Variants in TBXAS1 observed in about 807,000 individuals in gnomAD.
TBXAS1 encodes the protein thromboxane A synthase 1.
Under a neutral mutation model 60.7 loss-of-function variants are expected in TBXAS1, and 48 were observed. The observed-to-expected ratio is 0.79, with a 90% confidence interval of 0.63 to 1.01. The LOEUF (loss-of-function observed/expected upper bound fraction) is 1.01, where lower values mean the gene tolerates loss of function less well. Among genes scored for constraint, TBXAS1 ranks in the 50% least tolerant of loss-of-function variants. The pLI, the probability that TBXAS1 is intolerant of heterozygous loss-of-function variation, is 0.00. For synonymous variants in TBXAS1, 287 were observed against 269.7 expected (o/e 1.06, Z -0.63); for missense variants, 685 against 686.3 (o/e 1.00, Z 0.02).
chr7:139,812,066 T>A (rs535543051), intron 4 of TBXAS1, among the ~76,000 whole-genome samples: 70 of 152,336 alleles, frequency 4.6e-4, no homozygotes, highest in African/African-American at 1.5e-3. Context: ...CATGGAACAG[T>A]CTTCCACAGG....
chr7:139,956,210 G>A (rs1236955800), intron 7 of TBXAS1, among the ~76,000 whole-genome samples: 1 of 152,068 alleles, frequency 6.6e-6, no homozygotes, highest in African/African-American at 2.4e-5. Flanking sequence ...GCAATGGCAC[G>A]ATCTCGGCTC....
At chr7:139,903,726 G>C (rs2117006221) in intron 3 of TBXAS1, among the ~76,000 whole-genome samples, 1 of 152,054 alleles carries the variant, frequency 6.6e-6, no homozygotes, top group African/African-American at 2.4e-5. Flanking sequence ...TTTTTCATTT[G>C]TTTATTGGCC....
chr7:139,912,995 G>T, intron 4 of TBXAS1: 3 of 652,484 alleles, frequency 4.6e-6, no homozygotes, highest in South Asian at 3.2e-5. Flanking sequence ...CTGCCTCAGT[G>T]ACATTTCAGG....
chr7:139,929,232 G>A (rs954719447), intron 4 of TBXAS1, among the ~76,000 whole-genome samples: 32 of 152,182 alleles, frequency 2.1e-4, no homozygotes, highest in Non-Finnish European at 1.2e-4. Context: ...AGAAGGGTGC[G>A]CCCTTACAGA....
intron 4 of TBXAS1, 38 bp downstream of exon 4, chr7:139,911,359 A>T: frequency 6.4e-7 from 1 of 1,559,066 alleles, no homozygotes. Context: ...TGGATGGGGA[A>T]TTGTTCTCAG....
At chr7:139,817,240 A>ACAG (rs1798171818) in intron 4 of TBXAS1, among the ~76,000 whole-genome samples, 1 of 148,426 alleles carries the variant, frequency 6.7e-6, no homozygotes. Flanking sequence ...GTCTTTCTCG[A>ACAG]CAGCACTTGG....
At chr7:139,982,264 C>A (rs2299900) in intron 9 of TBXAS1, among the ~76,000 whole-genome samples, 2 of 152,168 alleles carry the variant, frequency 1.3e-5, no homozygotes, top group Non-Finnish European at 2.9e-5. Context: ...AATCAGGCAA[C>A]TCTGTATTTC....
Position 139,952,002 on chromosome 7 carries a change from GAAAGAAAGAA to G in TBXAS1, c.451-1357_451-1348del, listed in dbSNP as rs779503339. 1.2e-4 allele frequency among the ~76,000 whole-genome samples: 18 copies of G among 148,174 alleles called. 1 individual carries two copies. The highest frequency in any genetic ancestry group is 1.4e-4 in the Admixed American group (2 of 14,692). ...AGAAAGAAAGAAAGAAAGAAAGAAA[GAAAGAAAGAA>G]AAAGAAAGGAAGGAAGGAGGGAAGG... On this transcript the variant is annotated intron_variant, in intron 5 of 12. Coordinates refer to ENST00000448866, the MANE Select transcript of TBXAS1 (RefSeq NM_001061.7).
intron 1 of TBXAS1, among the ~76,000 whole-genome samples, chr7:139,865,081 T>A (rs1801253368): frequency 2.0e-5 from 3 of 152,206 alleles, no homozygotes; most frequent in Admixed American, 6.5e-5. Context: ...TGAGTGAGTG[T>A]GCATCAGATG....
At chr7:139,847,162 G>C (rs146260544) in intron 1 of TBXAS1, among the ~76,000 whole-genome samples, 1 of 152,020 alleles carries the variant, frequency 6.6e-6, no homozygotes, top group Non-Finnish European at 1.5e-5. Flanking sequence ...AATAAATCAA[G>C]CTTTAAACTC....
upstream of TBXAS1, among the ~76,000 whole-genome samples, chr7:139,825,647 GC>G (rs1450627436): frequency 6.6e-6 from 1 of 152,202 alleles, no homozygotes; most frequent in Non-Finnish European, 1.5e-5. Flanking sequence ...GATGTGAGGG[GC>G]ACGTTCTAAA....
intron 4 of TBXAS1, among the ~76,000 whole-genome samples, chr7:139,803,942 C>A (rs1295326426): frequency 3.9e-5 from 6 of 152,218 alleles, no homozygotes; most frequent in Non-Finnish European, 2.9e-5. Flanking sequence ...TCTGCTAGGG[C>A]AGTGCAGAAA....
chr7:140,015,736 G>T lies in TBXAS1; in HGVS notation c.1240G>T (p.Ala414Ser). The T allele has an allele frequency of 1.9e-6, 3 of 1,613,346 alleles. 1 individual carries two copies. The South Asian group carries it at 3.3e-5, about 18-fold the overall frequency. Residue 414 changes from alanine (A) to serine (S), a missense_variant, in exon 11 of 13, where the codon GCA becomes TCA. By Grantham distance (99) the Ala-to-Ser change is moderately conservative. Transcript: ENST00000448866. Reference protein sequence around the residue: ...YPPAFRFTREAAQDCEVLGQR... With the variant: ...YPPAFRFTRESAQDCEVLGQR... ...TGTTTCCCTCAGATTCACACGGGAG[G>T]CAGCTCAGGACTGCGAGGTGCTGGG... is the stretch of plus-strand genomic sequence containing the variant.
intron 1 of TBXAS1, among the ~76,000 whole-genome samples, chr7:139,849,202 G>A (rs1336455774): frequency 6.6e-6 from 1 of 151,766 alleles, no homozygotes; most frequent in Non-Finnish European, 1.5e-5. Context: ...AATATAGGAA[G>A]TCTCCGTCTC....
At chr7:139,947,213 G>A (rs1472085377) in intron 5 of TBXAS1, among the ~76,000 whole-genome samples, 2 of 152,022 alleles carry the variant, frequency 1.3e-5, no homozygotes, top group Non-Finnish European at 2.9e-5. Context: ...GTACATATAT[G>A]GCATGGAATA....
chr7:139,914,093 G>A (rs1464436291), intron 4 of TBXAS1: 1 of 148,528 alleles, frequency 6.7e-6, no homozygotes, highest in Non-Finnish European at 1.5e-5. Flanking sequence ...TCAGTGGTGT[G>A]ATCAGAGCTC....
chr7:139,906,830 T>A (rs1255997808), intron 3 of TBXAS1, among the ~76,000 whole-genome samples: 1 of 152,230 alleles, frequency 6.6e-6, no homozygotes, highest in Non-Finnish European at 1.5e-5. Flanking sequence ...TTCATTTGGT[T>A]TACACATGTT....
At chr7:139,887,843 G>A (rs141133515) in intron 3 of TBXAS1, among the ~76,000 whole-genome samples, 7 of 152,296 alleles carry the variant, frequency 4.6e-5, no homozygotes, top group East Asian at 1.9e-4. Flanking sequence ...TTTGAAGACC[G>A]TCATACTGTT....
Position 139,911,414 on chromosome 7 carries a change from T to C in TBXAS1, c.333+93T>C, listed in dbSNP as rs577826730. The C allele has an allele frequency of 8.7e-6, 10 of 1,153,290 alleles. No homozygotes were observed. In the South Asian group the frequency reaches 1.1e-4, roughly 13 times the overall value. 71.4% of individuals were successfully genotyped at this position (1,153,290 alleles called of 1,614,324 possible). Reference sequence around the variant, plus strand: ...GATCCAATGGGGATGCAATCAGGCCTCTGATCAGGTTTATGTCAGTTCCAC... The same window carrying C: ...GATCCAATGGGGATGCAATCAGGCCCCTGATCAGGTTTATGTCAGTTCCAC... On this transcript the variant is annotated intron_variant, in intron 4 of 12. Coordinates refer to ENST00000448866, the MANE Select transcript of TBXAS1 (RefSeq NM_001061.7).
Sources: gnomAD v4.1 joint callset for allele counts (sites outside exome capture counted in the v4.1 genomes callset) on GRCh38, gnomAD v4.1.1 for gene constraint, MANE v1.5 for transcripts, NCBI Gene and HGNC (gene_info 2026-07-23, HGNC 2026-07-21) for gene names.